KCNQ2: variants seen among roughly 807,000 people sequenced by gnomAD.
KCNQ2 encodes the protein potassium voltage-gated channel subfamily Q member 2, also known as potassium voltage-gated channel subfamily KQT member 2.
A neutral mutation model predicts 84.8 loss-of-function variants in KCNQ2; 14 were observed. The observed-to-expected ratio is 0.17, with a 90% confidence interval of 0.11 to 0.26. KCNQ2 has a LOEUF of 0.26. Among genes scored for constraint, KCNQ2 ranks in the 10% least tolerant of loss-of-function variants. KCNQ2 has a pLI of 1.00. For missense variants in KCNQ2, 788 were observed against 1,254.0 expected, an observed-to-expected ratio of 0.63 and a Z score of 5.61; for synonymous variants, 599 against 554.1, an observed-to-expected ratio of 1.08 and a Z score of -1.14.
In KCNQ2 at chr20:63,442,851, TCAC is replaced by T. The variant is rs1367220510; in HGVS notation, c.691-323_691-321del. On this transcript the variant is annotated intron_variant, in intron 4 of 16. Transcript: ENST00000359125. ...ACCATCACCACCACCACCATCACCA[TCAC>T]CACCACCATCACCATCACCATTATC... is the stretch of plus-strand genomic sequence containing the variant. Among the ~76,000 whole-genome samples the T allele has an allele frequency of 0.034, 636 of 18,934 alleles. 14 individuals are homozygous for T. The highest frequency in any genetic ancestry group is 0.076 in the Admixed American group (141 of 1,844). 12.4% of individuals were successfully genotyped at this position (18,934 alleles called of 152,430 possible). A position where few individuals can be genotyped will look rare whatever the true frequency, so the allele number is the denominator to read the frequency against.
chr20:63,424,251 C>T, intron 10 of KCNQ2, 45 bp from the exon 11 acceptor site: 1 of 1,550,622 alleles, frequency 6.4e-7, no homozygotes, highest in African/African-American at 1.4e-5. Flanking sequence ...CCACTCAGCA[C>T]CCATGAGGGT....
At chr20:63,411,025 G>C (rs765715568) in intron 15 of KCNQ2, 1 of 456,288 alleles carries the variant, frequency 2.2e-6, no homozygotes, top group Non-Finnish European at 4.4e-6. Context: ...ACTGGCTTCT[G>C]CCAGCTCACG....
chr20:63,416,772 C>T (rs963926209), intron 12 of KCNQ2, among the ~76,000 whole-genome samples: 3 of 152,242 alleles, frequency 2.0e-5, no homozygotes, highest in Admixed American at 6.5e-5. Context: ...GCCCACCAGA[C>T]GGCACAGAGA....
chr20:63,415,950 T>C (rs984443659), intron 12 of KCNQ2, among the ~76,000 whole-genome samples: 2 of 152,066 alleles, frequency 1.3e-5, no homozygotes, highest in African/African-American at 4.8e-5. Flanking sequence ...AAGTCTGCGG[T>C]GGACCCTTGT....
chr20:63,428,989 C>T (rs1360522891), intron 9 of KCNQ2, among the ~76,000 whole-genome samples: 3 of 152,018 alleles, frequency 2.0e-5, no homozygotes, highest in Admixed American at 6.5e-5. Context: ...GGGAATCCTC[C>T]GCAGGTGGCC....
intron 1 of KCNQ2, among the ~76,000 whole-genome samples, chr20:63,454,621 C>T (rs2081721946): frequency 1.3e-5 from 2 of 152,368 alleles, no homozygotes; most frequent in South Asian, 2.1e-4. Context: ...TCCAGGCCTC[C>T]GCCTACAAAC....
rs751425807 is a variant in KCNQ2 at position 63,406,799 on chromosome 20, C to T, written c.2464G>A (p.Ala822Thr). The T allele has an allele frequency of 1.3e-5, 21 of 1,612,530 alleles. No homozygotes were observed. Among genetic ancestry groups the T allele is most frequent in the Non-Finnish European group, 1.7e-5 (20 of 1,179,860 alleles). ...ACTTTGGCACAAGGCGCCACGGCCG[C>T]GTAGCAGCTGTTGAGAGCATCCAGG... is the stretch of plus-strand genomic sequence containing the variant. ...ENLDALNSCY[A>T]AVAPCAKVRP... The change falls in exon 17 of 17, where the codon GCG becomes ACG. Residue 822 changes from alanine (A) to threonine (T), a missense_variant. Physicochemically the swap from Ala to Thr is moderately conservative, Grantham distance 58 (BLOSUM62 0). Transcript: ENST00000359125.
chr20:63,429,805 G>GCC (rs113459930), intron 9 of KCNQ2, among the ~76,000 whole-genome samples: 3 of 152,016 alleles, frequency 2.0e-5, no homozygotes, highest in African/African-American at 7.3e-5. Context: ...AGCCTCTGGT[G>GCC]CCCCCCCACA....
chr20:63,442,824 T>TCAC (rs1784693078), intron 4 of KCNQ2, among the ~76,000 whole-genome samples: 1 of 20,640 alleles, frequency 4.8e-5, no homozygotes, highest in Non-Finnish European at 1.0e-4. Flanking sequence ...ACCATCACCA[T>TCAC]CACCATCACC....
At chr20:63,453,283 C>T (rs2081669455) in intron 1 of KCNQ2, among the ~76,000 whole-genome samples, 1 of 152,230 alleles carries the variant, frequency 6.6e-6, no homozygotes, top group Non-Finnish European at 1.5e-5. Context: ...CGTGTGCGAC[C>T]CAGAGGCCTC....
chr20:63,458,539 C>T (rs1365137729), intron 1 of KCNQ2, among the ~76,000 whole-genome samples: 1 of 152,196 alleles, frequency 6.6e-6, no homozygotes, highest in Non-Finnish European at 1.5e-5. Flanking sequence ...TGAAAGGCTG[C>T]CCGACCATCC....
At chr20:63,430,995 C>T (rs753596390) in intron 9 of KCNQ2, among the ~76,000 whole-genome samples, 2 of 152,170 alleles carry the variant, frequency 1.3e-5, no homozygotes, top group South Asian at 2.1e-4. Context: ...GATGGAGGCA[C>T]GAGGGGAGCC....
At chr20:63,442,941 CCATCACCATCAT>C (rs2081254079) in intron 4 of KCNQ2, among the ~76,000 whole-genome samples, 1 of 24,106 alleles carries the variant, frequency 4.1e-5, no homozygotes, top group Non-Finnish European at 9.2e-5. Context: ...ATCACCACCA[CCATCACCATCAT>C]CACCATCACC....
intron 9 of KCNQ2, among the ~76,000 whole-genome samples, chr20:63,429,866 C>T (rs1382223416): frequency 6.6e-6 from 1 of 152,210 alleles, no homozygotes; most frequent in Non-Finnish European, 1.5e-5. Flanking sequence ...TCTTTGTTCC[C>T]TCTGCAGCCC....
At chr20:63,418,428 C>G (rs1291571390) in intron 12 of KCNQ2, among the ~76,000 whole-genome samples, 1 of 152,240 alleles carries the variant, frequency 6.6e-6, no homozygotes, top group Non-Finnish European at 1.5e-5. Flanking sequence ...CATCCAGACC[C>G]CTGCCCAGCT....
chr20:63,443,004 C>T (rs1481968248), intron 4 of KCNQ2, among the ~76,000 whole-genome samples: 8 of 67,042 alleles, frequency 1.2e-4, no homozygotes, highest in Non-Finnish European at 1.8e-4. Flanking sequence ...ACCATCACCA[C>T]CATCACCATC....
rs544173778 is a variant in KCNQ2 at position 63,461,526 on chromosome 20, G to T, written c.296+10642C>A. Among the ~76,000 whole-genome samples the T allele has an allele frequency of 2.2e-3, 329 of 152,296 alleles. 2 individuals are homozygous for T. The highest frequency in any genetic ancestry group is 7.6e-3 in the African/African-American group (316 of 41,550). ...CACACAAGGGGATCCTCTGGCCCAC[G>T]AGGAGCCGCAACTGCAGCTCCTGGT... is the stretch of plus-strand genomic sequence containing the variant. On this transcript the variant is annotated intron_variant, in intron 1 of 16. Coordinates refer to ENST00000359125, the MANE Select transcript of KCNQ2 (RefSeq NM_172107.4).
At chr20:63,445,603 C>G in intron 2 of KCNQ2, 1 of 82,054 alleles carries the variant, frequency 1.2e-5, no homozygotes, top group South Asian at 2.0e-4. Context: ...GGCCACCCTC[C>G]CCACCTCCCT....
At chr20:63,431,941 C>A (rs1466575635) in intron 8 of KCNQ2, among the ~76,000 whole-genome samples, 8 of 149,656 alleles carry the variant, frequency 5.3e-5, no homozygotes, top group South Asian at 2.1e-4. Flanking sequence ...GAAGGCTCCA[C>A]CCTCAGGGTA....
Sources: allele counts gnomAD v4.1 joint callset (sites outside exome capture counted in the v4.1 genomes callset), GRCh38; gene constraint gnomAD v4.1.1; transcripts MANE v1.5; gene names NCBI Gene and HGNC (gene_info 2026-07-23, HGNC 2026-07-21).